BAZ1B: variants seen among roughly 807,000 people sequenced by gnomAD.
BAZ1B encodes bromodomain adjacent to zinc finger domain 1B.
BAZ1B carries 22 observed loss-of-function variants against 153.8 expected under a neutral mutation model. The ratio of observed to expected loss-of-function variants is 0.14; its 90% CI spans 0.10 to 0.20. BAZ1B has a LOEUF of 0.20. BAZ1B is among the 10% of genes least tolerant of loss of function. The pLI is 1.00. For synonymous variants in BAZ1B, 676 were observed against 633.4 expected, an observed-to-expected ratio of 1.07 and a Z score of -1.01; for missense variants, 1,325 against 1,799.3, an observed-to-expected ratio of 0.74 and a Z score of 4.77.
At chr7:73,504,519 C>T (rs1440802154) in intron 3 of BAZ1B, among the ~76,000 whole-genome samples, 6 of 151,984 alleles carry the variant, frequency 3.9e-5, no homozygotes, top group Admixed American at 2.6e-4. Context: ...AAAAAATTAG[C>T]GAGGCATGGT....
At chr7:73,475,923 CAAA>C (rs34851345) in intron 7 of BAZ1B, among the ~76,000 whole-genome samples, 15 of 113,968 alleles carry the variant, frequency 1.3e-4, no homozygotes, top group African/African-American at 1.8e-4. Context: ...GACTCCATCT[CAAA>C]AAAAAAAAAA....
At chr7:73,510,157 C>T (rs542532173) in intron 2 of BAZ1B, among the ~76,000 whole-genome samples, 3 of 150,408 alleles carry the variant, frequency 2.0e-5, no homozygotes, top group Admixed American at 6.7e-5. Context: ...GGGCCAGGCG[C>T]GGTAGCTCAC....
chr7:73,442,344 C>A lies in BAZ1B; in HGVS notation c.4304G>T (p.Cys1435Phe), dbSNP rs782209852. The change falls in exon 19 of 20, where the codon TGT becomes TTT. Residue 1435 changes from cysteine (C) to phenylalanine (F), a missense_variant. Transcript: ENST00000339594. ...GTGTTTATGCAACAGAGCCACTAGA[C>A]ACTGTTCTGTCTTCACCATGCAGCT... ...VLSCMVKTEQ[C>F]LVALLHKHLP... 2 of 1,614,228 alleles carry A rather than the reference C, an allele frequency of 1.2e-6. No homozygotes were observed. The highest frequency in any genetic ancestry group is 1.7e-6 in the Non-Finnish European group (2 of 1,180,046).
chr7:73,508,066 G>C (rs1024695204), intron 3 of BAZ1B, among the ~76,000 whole-genome samples: 3 of 152,106 alleles, frequency 2.0e-5, no homozygotes, highest in Non-Finnish European at 4.4e-5. Context: ...TGAGGTGGGA[G>C]AATCACTTGA....
At chr7:73,467,100 T>C (rs1471384545) in intron 9 of BAZ1B, among the ~76,000 whole-genome samples, 1 of 151,914 alleles carries the variant, frequency 6.6e-6, no homozygotes, top group Non-Finnish European at 1.5e-5. Context: ...ACCTGGCTAA[T>C]TTTTCTATTT....
chr7:73,489,041 A>G (rs782463445), intron 6 of BAZ1B, among the ~76,000 whole-genome samples, 153 bp downstream of exon 6: 4 of 152,204 alleles, frequency 2.6e-5, no homozygotes, highest in Non-Finnish European at 5.9e-5. Context: ...CCAACCTCAC[A>G]TAACAACCTG....
At chr7:73,514,748 G>A (rs1790726653) in intron 1 of BAZ1B, among the ~76,000 whole-genome samples, 1 of 152,074 alleles carries the variant, frequency 6.6e-6, no homozygotes, top group Non-Finnish European at 1.5e-5. Flanking sequence ...GGAGGTTGCA[G>A]TGAGCTGTGA....
chr7:73,475,673 G>A (rs1373791829), intron 7 of BAZ1B, among the ~76,000 whole-genome samples: 2 of 152,118 alleles, frequency 1.3e-5, no homozygotes, highest in East Asian at 3.9e-4. Flanking sequence ...AGTGGCTCAC[G>A]CCTGTAATCC....
chr7:73,510,994 G>C (rs540344538), intron 1 of BAZ1B, 142 bp from the exon 2 acceptor site: 1 of 684,054 alleles, frequency 1.5e-6, no homozygotes, highest in Non-Finnish European at 2.4e-6. Context: ...ATTGGAGGCC[G>C]GGCGCAGTGG....
At chr7:73,470,627 A>T in intron 7 of BAZ1B, 144 bp from the exon 8 acceptor site, 1 of 1,003,186 alleles carries the variant, frequency 1.0e-6, no homozygotes, top group East Asian at 2.6e-5. Context: ...ATCTGTTACA[A>T]GAAATTACAT....
At chr7:73,482,374 AC>A (rs1789236300) in intron 6 of BAZ1B, among the ~76,000 whole-genome samples, 1 of 152,224 alleles carries the variant, frequency 6.6e-6, no homozygotes. Context: ...GGAAATAAGA[AC>A]AAATGTGTGC....
At chr7:73,476,190 A>G (rs1554572741) in intron 7 of BAZ1B, among the ~76,000 whole-genome samples, 2 of 152,188 alleles carry the variant, frequency 1.3e-5, no homozygotes, top group African/African-American at 4.8e-5. Flanking sequence ...GTTCATGGGT[A>G]GCAGGTTTCT....
intron 12 of BAZ1B, among the ~76,000 whole-genome samples, chr7:73,460,192 GAAAAAAAAAA>G (rs782211272): frequency 0.025 from 1,848 of 73,872 alleles, 39 homozygotes; most frequent in African/African-American, 0.085. Flanking sequence ...CCGTCTCAGG[GAAAAAAAAAA>G]AAAAAAAAAA....
chr7:73,503,586 G>C (rs1179075383), intron 3 of BAZ1B, among the ~76,000 whole-genome samples: 2 of 152,064 alleles, frequency 1.3e-5, no homozygotes, highest in African/African-American at 4.8e-5. Context: ...TGTTGCCCAG[G>C]CTGGTCTCAA....
rs184675242 is a variant in BAZ1B at position 73,519,327 on chromosome 7, G to A, written c.107+2500C>T. ...TGGGAATACTACTTCAAAGGCAGCTGTTACCTAACCACATATTTGTTCTCC... is the reference window on the plus strand; with the variant it reads ...TGGGAATACTACTTCAAAGGCAGCTATTACCTAACCACATATTTGTTCTCC... On this transcript the variant is annotated intron_variant, in intron 1 of 19. Transcript: ENST00000339594. Among the ~76,000 whole-genome samples the A allele has an allele frequency of 3.9e-5, 6 of 152,264 alleles. No homozygotes were observed. The East Asian group carries it at 1.2e-3, about 29-fold the overall frequency.
intron 10 of BAZ1B, among the ~76,000 whole-genome samples, chr7:73,466,083 A>G (rs1788574103): frequency 6.6e-6 from 1 of 152,116 alleles, no homozygotes; most frequent in South Asian, 2.1e-4. Context: ...TACAGGGGGG[A>G]AAAAATCAAA....
chr7:73,457,627 A>C (rs1788253619), intron 13 of BAZ1B, among the ~76,000 whole-genome samples: 1 of 152,154 alleles, frequency 6.6e-6, no homozygotes, highest in Non-Finnish European at 1.5e-5. Flanking sequence ...CTAAAACCTT[A>C]ATAGGAGTGT....
chr7:73,487,032 T>C (rs782404514), intron 6 of BAZ1B, among the ~76,000 whole-genome samples: 23 of 152,228 alleles, frequency 1.5e-4, no homozygotes, highest in Non-Finnish European at 2.2e-4. Context: ...CCTGAGTATA[T>C]GCCTTTAACT....
At position 73,478,452 on chromosome 7, in the gene BAZ1B, A is replaced by G. The variant is rs201358950; in HGVS notation, c.1009T>C (p.Trp337Arg). The G allele has an allele frequency of 8.7e-6, 14 of 1,612,532 alleles. No individual in the cohort carries two copies. The East Asian group carries it at 1.3e-4, about 15-fold the overall frequency. ...SLSSPLNPKL[W>R]CHVHLKKSLS... ...GACTTCTTCAAGTGTACGTGACACC[A>G]TAACTTAGGATTTAGTGGTGAACTA... Residue 337 changes from tryptophan to arginine, a missense_variant, in exon 7 of 20, where the codon TGG becomes CGG. Around this residue, in one of 9 missense-constraint regions of BAZ1B, gnomAD observed 219 missense variants for 248.2 expected, o/e 0.88. Transcript: ENST00000339594.
Sources: allele counts gnomAD v4.1 joint callset (sites outside exome capture counted in the v4.1 genomes callset), GRCh38; gene constraint gnomAD v4.1.1; regional missense constraint gnomAD v4.1.1; transcripts MANE v1.5; gene names NCBI Gene and HGNC (gene_info 2026-07-23, HGNC 2026-07-21).